SPRED3: variants seen among roughly 807,000 people sequenced by gnomAD.
SPRED3 encodes sprouty related EVH1 domain containing 3.
Under a neutral mutation model 37.6 loss-of-function variants are expected in SPRED3, and 23 were observed. The observed-to-expected ratio is 0.61, with a 90% CI of 0.44 to 0.87. The LOEUF (loss-of-function observed/expected upper bound fraction) is 0.87. Among genes scored for constraint, SPRED3 ranks in the 40% least tolerant of loss-of-function variants. SPRED3 has a pLI of 0.00. For synonymous variants in SPRED3, 302 were observed against 279.6 expected (o/e 1.08, Z -0.80); for missense variants, 584 against 618.6 (o/e 0.94, Z 0.59).
At chr19:38,394,423 A>G in intron 4 of SPRED3, 1 of 1,519,402 alleles carries the variant, frequency 6.6e-7, no homozygotes, top group African/African-American at 1.4e-5. Flanking sequence ...ATCCTTATGA[A>G]TAGGTACTCT....
chr19:38,394,233 G>T, intron 4 of SPRED3: 1 of 1,343,060 alleles, frequency 7.4e-7, no homozygotes, highest in South Asian at 1.2e-5. Context: ...GAGTGAGAGA[G>T]GAAGGCAGCT....
At position 38,395,971 on chromosome 19, in the gene SPRED3, G is replaced by A. The variant is rs995037037; in HGVS notation, c.1059G>A (p.Pro353=). 1.4e-6 allele frequency: 2 copies of A among 1,459,070 alleles called. No homozygotes were observed. The highest frequency in any genetic ancestry group is 2.5e-5 in the Admixed American group (1 of 40,426). 90.4% of individuals were successfully genotyped at this position (1,459,070 alleles called of 1,614,324 possible). Residue 353 remains proline (P), a synonymous_variant, in exon 6 of 6, where the codon CCG becomes CCA. Transcript: ENST00000691638. This position sits in a 1 kb window ranked among gnomAD's most constrained non-coding sequence, Gnocchi z 5.2. The stretch of plus-strand genomic sequence containing the variant: ...ACGCCGAGGGCGACTTCTCGGACCC[G>A]TGCGCCTGCGAGCCGGGCCACCCGC... The part of the protein sequence containing the change: ...LSDAEGDFSD[P]CACEPGHPRP...
rs980100844 is a variant in SPRED3 at position 38,392,097 on chromosome 19, T to C, written c.329T>C (p.Leu110Pro). 2 of 1,614,062 alleles carry C rather than the reference T, an allele frequency of 1.2e-6. No homozygotes were observed. Among genetic ancestry groups the C allele is most frequent in the Non-Finnish European group, 1.7e-6 (2 of 1,180,028 alleles). Reference sequence around the variant, plus strand: ...TTCCAGAAGAGCCTGCTGGCTGCGCTGGCCGCACTGGGTCGAGGTGAGCAG... The same window carrying C: ...TTCCAGAAGAGCCTGCTGGCTGCGCCGGCCGCACTGGGTCGAGGTGAGCAG... ...DEFQKSLLAA[L>P]AALGRGSLTP... The change falls in exon 3 of 6, where the codon CTG becomes CCG. Residue 110 changes from leucine (L) to proline (P), a missense_variant. By Grantham distance (98) the Leu-to-Pro change is moderately conservative (BLOSUM62 -3). This residue lies in a region of SPRED3 where 310 missense variants were observed against 281.1 expected (regional missense o/e 1.10). Transcript: ENST00000691638.
intron 2 of SPRED3, 123 bp from the exon 3 acceptor site, chr19:38,391,823 T>C (rs547944327): frequency 2.6e-6 from 3 of 1,147,880 alleles, no homozygotes; most frequent in South Asian, 2.8e-5. Flanking sequence ...AGGGTTACAC[T>C]TAGGGTTGGG....
Position 38,394,282 on chromosome 19 carries a change from C to A in SPRED3, c.424-361C>A, listed in dbSNP as rs921308204. The stretch of plus-strand genomic sequence containing the variant: ...AGAGGGATTCTGAGAAGCGGGAAGA[C>A]GATTAGATGTTCCTCAGGTTTGGCG... On this transcript the variant is annotated intron_variant, in intron 4 of 5. Transcript: ENST00000691638. 4 of 1,404,618 alleles carry A rather than the reference C, an allele frequency of 2.8e-6. No individual in the cohort carries two copies. The African/African-American group carries it at 4.3e-5, about 15-fold the overall frequency. 87.0% of individuals were successfully genotyped at this position (1,404,618 alleles called of 1,614,324 possible). A position where few individuals can be genotyped will look rare whatever the true frequency, so the allele number is the denominator to read the frequency against.
At chr19:38,393,086 G>C (rs897254185) in intron 4 of SPRED3, among the ~76,000 whole-genome samples, 1 of 152,044 alleles carries the variant, frequency 6.6e-6, no homozygotes, top group Non-Finnish European at 1.5e-5. Flanking sequence ...TTATTCTAAC[G>C]TGGCAGGCAC....
Position 38,392,035 on chromosome 19 carries a change from T to C in SPRED3, c.267T>C (p.Phe89=), listed in dbSNP as rs1436281969. ...FHHWSLGDCK[F]GLTFQSPAEA... The stretch of plus-strand genomic sequence containing the variant: ...ACTGGAGCCTGGGTGACTGCAAGTT[T>C]GGACTGACGTTTCAGAGCCCTGCAG... The change falls in exon 3 of 6, where the codon TTT becomes TTC. Residue 89 remains phenylalanine, a synonymous_variant. Coordinates refer to ENST00000691638, the MANE Select transcript of SPRED3 (RefSeq NM_001394336.1). 6.2e-7 allele frequency: 1 copy of C among 1,614,204 alleles called. No individual in the cohort carries two copies. The highest frequency in any genetic ancestry group is 8.5e-7 in the Non-Finnish European group (1 of 1,180,044).
chr19:38,393,899 T>A (rs1219320120), intron 4 of SPRED3, among the ~76,000 whole-genome samples: 1 of 152,148 alleles, frequency 6.6e-6, no homozygotes, highest in Non-Finnish European at 1.5e-5. Context: ...AGGGGAGGGT[T>A]CCAGGGTCAT....
intron 4 of SPRED3, chr19:38,394,224 AG>A (rs925104276): frequency 2.6e-5 from 34 of 1,321,162 alleles, no homozygotes; most frequent in Non-Finnish European, 3.3e-5. Flanking sequence ...TGGGGCTGGG[AG>A]TGAGAGAGGA....
rs1970914481 is a variant in SPRED3, at chr19:38,397,710, C to T, written c.*1565C>T. On this transcript the variant is annotated 3_prime_UTR_variant, in exon 6 of 6. Coordinates refer to ENST00000691638, the MANE Select transcript of SPRED3 (RefSeq NM_001394336.1). The stretch of plus-strand genomic sequence containing the variant: ...TGGTCCCAAGGATCCCAGCCCAAGC[C>T]CCCAGCAATCCTCAGAATTACCCCT... 1 of 152,190 alleles carries T rather than the reference C, an allele frequency of 6.6e-6. No homozygotes were observed. Among genetic ancestry groups the T allele is most frequent in the Non-Finnish European group, 1.5e-5 (1 of 68,076 alleles). The allele number at this position is 152,190 out of a possible 1,614,324, so 9.4% of individuals were successfully genotyped here.
rs1364896272 is a variant in SPRED3, at chr19:38,390,134, G to A, written c.-4-165G>A. Reference sequence around the variant, plus strand: ...GGAAGAAAGGAGCTGTGTGGAAGACGGTGGCCATGGGGTTGAAGGTGGGTA... The same window carrying A: ...GGAAGAAAGGAGCTGTGTGGAAGACAGTGGCCATGGGGTTGAAGGTGGGTA... On this transcript the variant is annotated intron_variant, in intron 1 of 5. Coordinates refer to ENST00000691638, the MANE Select transcript of SPRED3 (RefSeq NM_001394336.1). 123 of 481,456 alleles carry A rather than the reference G, an allele frequency of 2.6e-4. No individual in the cohort carries two copies. In the East Asian group the frequency reaches 3.3e-3, roughly 13 times the overall value. The allele number at this position is 481,456 out of a possible 1,614,324, so 29.8% of individuals were successfully genotyped here.
At chr19:38,389,065 G>A (rs1970787916) in intron 1 of SPRED3, among the ~76,000 whole-genome samples, 1 of 152,182 alleles carries the variant, frequency 6.6e-6, no homozygotes, top group East Asian at 1.9e-4. Flanking sequence ...GGAACGCTGA[G>A]GACCACTCCC....
intron 4 of SPRED3, 39 bp downstream of exon 4, chr19:38,392,327 G>A (rs1429288815): frequency 6.8e-7 from 1 of 1,469,664 alleles, no homozygotes; most frequent in Non-Finnish European, 9.0e-7. Flanking sequence ...GGGAGGGTAG[G>A]GGTTTTGTTT....
chr19:38,396,380 G>A lies in SPRED3; in HGVS notation c.*235G>A, dbSNP rs1444989626. On this transcript the variant is annotated 3_prime_UTR_variant, in exon 6 of 6. Coordinates refer to ENST00000691638, the MANE Select transcript of SPRED3 (RefSeq NM_001394336.1). ...AGTCCCAGGCGTCCTGAGTTCTGGC[G>A]TTCCCCCACCCCCACACCCCACGAG... 1.2e-5 allele frequency: 4 copies of A among 328,858 alleles called. No individual in the cohort carries two copies. The highest frequency in any genetic ancestry group is 6.5e-5 in the African/African-American group (3 of 46,356). The allele number at this position is 328,858 out of a possible 1,614,324, so 20.4% of individuals were successfully genotyped here.
intron 4 of SPRED3, among the ~76,000 whole-genome samples, chr19:38,393,987 T>C (rs1054498588): frequency 6.6e-6 from 1 of 152,216 alleles, no homozygotes; most frequent in Non-Finnish European, 1.5e-5. Flanking sequence ...TGCTCTGCTG[T>C]CCAGGCCCCC....
At chr19:38,394,521 C>T (rs1970869167) in intron 4 of SPRED3, 122 bp from the exon 5 acceptor site, 18 of 1,555,390 alleles carry the variant, frequency 1.2e-5, no homozygotes, top group Non-Finnish European at 1.4e-5. Flanking sequence ...AGTGACAGAG[C>T]CGGGGTTTGA....
intron 2 of SPRED3, 115 bp downstream of exon 2, chr19:38,390,594 T>C: frequency 1.1e-6 from 1 of 883,082 alleles, no homozygotes; most frequent in Non-Finnish European, 1.6e-6. Flanking sequence ...AGCTGGGGTG[T>C]GAAGTTTGGG....
In SPRED3 at chr19:38,399,039, C is replaced by T. The variant is rs1894492816; in HGVS notation, c.*2894C>T. ...TGGGGCAGCCTGGGTCCCCATGCCC[C>T]TCTCTGTGCCTCGGTCTCCCCCCTT... On this transcript the variant is annotated 3_prime_UTR_variant, in exon 6 of 6. Transcript: ENST00000691638. 2 of 152,236 alleles carry T rather than the reference C, an allele frequency of 1.3e-5. No homozygotes were observed. The highest frequency in any genetic ancestry group is 4.8e-5 in the African/African-American group (2 of 41,428). The allele number at this position is 152,236 out of a possible 1,614,324, so 9.4% of individuals were successfully genotyped here. A position where few individuals can be genotyped will look rare whatever the true frequency, so the allele number is the denominator to read the frequency against.
rs753228031 is a variant in SPRED3, at chr19:38,390,406, G to A, written c.104G>A (p.Arg35Gln). 5 of 1,390,046 alleles carry A rather than the reference G, an allele frequency of 3.6e-6. No homozygotes were observed. The highest frequency in any genetic ancestry group is 2.8e-5 in the East Asian group (1 of 35,690). The allele number at this position is 1,390,046 out of a possible 1,614,324, so 86.1% of individuals were successfully genotyped here. A position where few individuals can be genotyped will look rare whatever the true frequency, so the allele number is the denominator to read the frequency against. ...AGCCAGGTGAGCGTGTGTCGGGTCC[G>A]AGGGGCCAGGCCCGAGGGGGGGGCC... ...GLSQVSVCRV[R>Q]GARPEGGARQ... Residue 35 changes from arginine to glutamine, a missense_variant, in exon 2 of 6, where the codon CGA becomes CAA. Coordinates refer to ENST00000691638, the MANE Select transcript of SPRED3 (RefSeq NM_001394336.1).
Sources: gnomAD v4.1 joint callset for allele counts (sites outside exome capture counted in the v4.1 genomes callset) on GRCh38, gnomAD v4.1.1 for gene constraint, gnomAD v4.1.1 regional missense constraint, Gnocchi (gnomAD v3.1) non-coding constraint, MANE v1.5 for transcripts, NCBI Gene and HGNC (gene_info 2026-07-23, HGNC 2026-07-21) for gene names.